GPC3: variants seen among roughly 807,000 people sequenced by gnomAD.
GPC3 encodes glypican-3.
In GPC3, 3 loss-of-function variants were observed where a neutral mutation model predicts 34.4. The observed-to-expected ratio is 0.09, with a 90% CI of 0.04 to 0.23. The LOEUF (loss-of-function observed/expected upper bound fraction) is 0.23. Among genes scored for constraint, GPC3 ranks in the 10% least tolerant of loss-of-function variants. The pLI is 1.00. For synonymous variants in GPC3, 177 were observed against 174.0 expected (o/e 1.02, Z -0.13); for missense variants, 351 against 445.6 (o/e 0.79, Z 1.91).
chrX:133,772,787 T>C (rs1013610634), intron 2 of GPC3, among the ~76,000 whole-genome samples: 2 of 111,692 alleles, frequency 1.8e-5, no homozygotes, highest in Non-Finnish European at 3.8e-5. Flanking sequence ...TATTAATTAA[T>C]TACATTATTA....
intron 2 of GPC3, among the ~76,000 whole-genome samples, chrX:133,904,924 G>A (rs750799480): frequency 1.1e-4 from 12 of 111,995 alleles, no homozygotes; most frequent in African/African-American, 2.9e-4. Flanking sequence ...AAGTGCAAAC[G>A]GCTTCAAGGG....
At chrX:133,570,270 C>T (rs913054946) in intron 7 of GPC3, among the ~76,000 whole-genome samples, 4 of 109,749 alleles carry the variant, frequency 3.6e-5, no homozygotes, top group African/African-American at 1.3e-4. Flanking sequence ...GGCGTGATCT[C>T]GGGTCACCGC....
At chrX:133,750,579 G>A (rs962885461) in intron 3 of GPC3, among the ~76,000 whole-genome samples, 23 of 112,253 alleles carry the variant, frequency 2.0e-4, no homozygotes, top group Admixed American at 1.1e-3. Context: ...TTACACGTCT[G>A]TCTACCAACT....
rs150633452 is a variant in GPC3 at position 133,746,218 on chromosome X, A to C, written c.1032+7264T>G. Among the ~76,000 whole-genome samples the C allele has an allele frequency of 5.2e-3, 581 of 112,188 alleles. 3 individuals are homozygous for C. The highest frequency in any genetic ancestry group is 0.018 in the African/African-American group (544 of 30,892). On this transcript the variant is annotated intron_variant, in intron 3 of 7. Coordinates refer to ENST00000370818, the MANE Select transcript of GPC3 (RefSeq NM_004484.4). ...GCAGTAGGCTAGCTTGTTTGCTTGCAATCAGGGTAAAAATCTCAGATCTTT... is the reference window on the plus strand; with the variant it reads ...GCAGTAGGCTAGCTTGTTTGCTTGCCATCAGGGTAAAAATCTCAGATCTTT...
chrX:133,842,220 G>C (rs946470780), intron 2 of GPC3, among the ~76,000 whole-genome samples: 1 of 109,483 alleles, frequency 9.1e-6, no homozygotes, highest in Non-Finnish European at 1.9e-5. Context: ...GGGAGGCTGA[G>C]GCAAGGAGAA....
intron 3 of GPC3, among the ~76,000 whole-genome samples, chrX:133,728,791 A>G (rs1451378254): frequency 8.9e-6 from 1 of 112,450 alleles, no homozygotes; most frequent in Non-Finnish European, 1.9e-5. Flanking sequence ...AATATGCTGA[A>G]AAGCTGTGCA....
intron 2 of GPC3, chrX:133,762,766 C>A: frequency 2.3e-6 from 1 of 442,984 alleles, no homozygotes; most frequent in South Asian, 2.9e-5. Flanking sequence ...TTTCGGGATT[C>A]CTGTCCTAAC....
chrX:133,760,585 G>A (rs2071777825), intron 2 of GPC3, among the ~76,000 whole-genome samples: 2 of 111,590 alleles, frequency 1.8e-5, no homozygotes, highest in Non-Finnish European at 3.8e-5. Context: ...AAACTATAGA[G>A]ACACTAAAAA....
intron 2 of GPC3, among the ~76,000 whole-genome samples, chrX:133,791,927 C>T (rs1481572393): frequency 7.0e-5 from 7 of 100,234 alleles, no homozygotes; most frequent in Non-Finnish European, 1.4e-4. Context: ...GTTACCTAGG[C>T]TGGAATGCAG....
chrX:133,901,336 T>TC (rs373003668), intron 2 of GPC3, among the ~76,000 whole-genome samples: 2 of 111,700 alleles, frequency 1.8e-5, no homozygotes, highest in Admixed American at 9.5e-5. Flanking sequence ...AGTACCTTTT[T>TC]TCATGGAAGT....
intron 6 of GPC3, among the ~76,000 whole-genome samples, chrX:133,628,042 T>C (rs2070325344): frequency 8.9e-6 from 1 of 112,406 alleles, no homozygotes; most frequent in Non-Finnish European, 1.9e-5. Flanking sequence ...GTATGACTTT[T>C]TGTGTCGATG....
chrX:133,680,652 G>C (rs758822770), intron 5 of GPC3, among the ~76,000 whole-genome samples: 11 of 112,242 alleles, frequency 9.8e-5, no homozygotes, highest in Admixed American at 1.9e-4. Context: ...TGATTTTAAT[G>C]ATCTTTCTCC....
chrX:133,681,428 A>T (rs921189226), intron 5 of GPC3, among the ~76,000 whole-genome samples: 4 of 112,425 alleles, frequency 3.6e-5, no homozygotes, highest in Admixed American at 9.4e-5. Flanking sequence ...CATTTCTATC[A>T]GTAAAAAATC....
intron 7 of GPC3, among the ~76,000 whole-genome samples, chrX:133,587,284 A>ATTTCC (rs1267529040): frequency 9.0e-6 from 1 of 111,606 alleles, no homozygotes; most frequent in Non-Finnish European, 1.9e-5. Context: ...GAATGACAGG[A>ATTTCC]TTTCCTTTTT....
intron 2 of GPC3, among the ~76,000 whole-genome samples, chrX:133,868,498 G>C (rs1240660983): frequency 1.8e-5 from 2 of 112,420 alleles, no homozygotes; most frequent in Non-Finnish European, 3.8e-5. Context: ...GCAGGAAAGA[G>C]GATATCTCCC....
chrX:133,545,198 G>A (rs908605887), intron 7 of GPC3, among the ~76,000 whole-genome samples: 1 of 112,081 alleles, frequency 8.9e-6, no homozygotes, highest in African/African-American at 3.2e-5. Context: ...AACTGATCTA[G>A]AGAAGACAAG....
At chrX:133,983,096 C>A (rs1228248730) in intron 1 of GPC3, among the ~76,000 whole-genome samples, 1 of 111,423 alleles carries the variant, frequency 9.0e-6, no homozygotes, top group Non-Finnish European at 1.9e-5. Context: ...TGCACTGCCC[C>A]CGGAAAATCC....
At chrX:133,614,469 GAAAA>G (rs764520267) in intron 6 of GPC3, among the ~76,000 whole-genome samples, 1 of 95,917 alleles carries the variant, frequency 1.0e-5, no homozygotes, top group African/African-American at 3.7e-5. Context: ...AACACTGAAA[GAAAA>G]AAAAAAAACT....
At chrX:133,935,290 A>T (rs932412591) in intron 2 of GPC3, among the ~76,000 whole-genome samples, 5 of 112,009 alleles carry the variant, frequency 4.5e-5, no homozygotes, top group Non-Finnish European at 7.5e-5. Context: ...GAGGGGCCAT[A>T]CAACTTTCTT....
Sources: gnomAD v4.1 joint callset for allele counts (sites outside exome capture counted in the v4.1 genomes callset) on GRCh38, gnomAD v4.1.1 for gene constraint, MANE v1.5 for transcripts, NCBI Gene and HGNC (gene_info 2026-07-23, HGNC 2026-07-21) for gene names.